PRDM1: variants seen among roughly 807,000 people sequenced by gnomAD.
The protein encoded by PRDM1 is PR/SET domain 1.
Under a neutral mutation model 62.8 loss-of-function variants are expected in PRDM1, and 13 were observed. The observed-to-expected ratio is 0.21, with a 90% CI of 0.13 to 0.33. The LOEUF (loss-of-function observed/expected upper bound fraction) is 0.33, where lower values mean the gene tolerates loss of function less well. Ranked by LOEUF, PRDM1 falls within the 10% of genes least tolerant of loss-of-function variation. The probability of loss-of-function intolerance (pLI) is 1.00; values close to 1 mark genes in which losing one functional copy is unlikely to be tolerated. For missense variants in PRDM1, 895 were observed against 1,058.8 expected, an observed-to-expected ratio of 0.85 and a Z score of 2.15; for synonymous variants, 396 against 417.6, an observed-to-expected ratio of 0.95 and a Z score of 0.63.
upstream of PRDM1, among the ~76,000 whole-genome samples, chr6:106,082,926 A>G (rs1773717386): frequency 6.6e-6 from 1 of 152,154 alleles, no homozygotes; most frequent in Non-Finnish European, 1.5e-5. Context: ...GCATTGTAAC[A>G]TAGCATGTGT....
At chr6:106,045,860 C>T (rs1773065604), upstream of PRDM1, 1 of 152,104 alleles carries the variant, frequency 6.6e-6, no homozygotes, top group Non-Finnish European at 1.5e-5. Flanking sequence ...AAAACCAATG[C>T]CTATGTTCTA....
intron 1 of PRDM1, among the ~76,000 whole-genome samples, chr6:106,079,617 G>C (rs1773661606): frequency 6.6e-6 from 1 of 152,182 alleles, no homozygotes. Context: ...GGCCAACATG[G>C]TAAAACCCTG....
chr6:106,051,451 T>A (rs1297845013), intron 1 of PRDM1, among the ~76,000 whole-genome samples: 3 of 152,212 alleles, frequency 2.0e-5, no homozygotes, highest in African/African-American at 7.2e-5. Context: ...AGGAATCATG[T>A]TACTTAAACT....
upstream of PRDM1, among the ~76,000 whole-genome samples, chr6:106,048,136 T>G (rs1336804715): frequency 6.7e-6 from 1 of 148,418 alleles, no homozygotes; most frequent in East Asian, 2.0e-4. Context: ...TCTTGCACTT[T>G]GGGAGGCCAA....
upstream of PRDM1, among the ~76,000 whole-genome samples, chr6:105,993,450 C>T (rs948069078): frequency 1.3e-5 from 2 of 152,196 alleles, no homozygotes; most frequent in African/African-American, 2.4e-5. Context: ...ATTGTAGCTG[C>T]TTTGACGTTT....
chr6:106,093,253 G>A (rs1194230570), intron 2 of PRDM1, among the ~76,000 whole-genome samples: 1 of 152,174 alleles, frequency 6.6e-6, no homozygotes, highest in Non-Finnish European at 1.5e-5. Context: ...GAAAATGTGT[G>A]TAAGATGGAT....
intron 1 of PRDM1, among the ~76,000 whole-genome samples, chr6:106,008,099 G>A (rs1441481591): frequency 7.9e-5 from 12 of 152,156 alleles, no homozygotes; most frequent in Non-Finnish European, 1.5e-4. Context: ...GGGGCTGGGC[G>A]CGGTGGCTCA....
At chr6:106,088,670 T>C (rs191551768) in intron 2 of PRDM1, among the ~76,000 whole-genome samples, 330 of 152,370 alleles carry the variant, frequency 2.2e-3, no homozygotes, top group Middle Eastern at 6.8e-3. Context: ...AGTAAACAGT[T>C]AAATATTTTG....
At chr6:106,049,494 G>A (rs1773136240) in intron 1 of PRDM1, among the ~76,000 whole-genome samples, 1 of 152,162 alleles carries the variant, frequency 6.6e-6, no homozygotes, top group African/African-American at 2.4e-5. Flanking sequence ...GATGGCCTGA[G>A]CTCTTGCCTC....
At chr6:106,062,883 G>A (rs1270222698) in intron 1 of PRDM1, among the ~76,000 whole-genome samples, 3 of 152,090 alleles carry the variant, frequency 2.0e-5, no homozygotes, top group African/African-American at 4.8e-5. Flanking sequence ...GTTTTTAAGA[G>A]TCAAAGGAAA....
chr6:106,094,463 G>T lies in PRDM1; in HGVS notation c.292-1152G>T, dbSNP rs530286321. ...GGTGATTTTTTTACCCCTTCAAAGA[G>T]AAATTTATTATTAAGGAGGAACTGG... On this transcript the variant is annotated intron_variant, in intron 2 of 6. Coordinates refer to ENST00000369096, the MANE Select transcript of PRDM1 (RefSeq NM_001198.4). Among the ~76,000 whole-genome samples, 3 of 152,272 alleles carry T rather than the reference G, an allele frequency of 2.0e-5. No individual in the cohort carries two copies. In the South Asian group the frequency reaches 6.2e-4, roughly 32 times the overall value.
chr6:106,105,345 G>A lies in PRDM1; in HGVS notation c.1185G>A (p.Leu395=), dbSNP rs756639087. 6.2e-7 allele frequency: 1 copy of A among 1,613,226 alleles called. No homozygotes were observed. The highest frequency in any genetic ancestry group is 8.5e-7 in the Non-Finnish European group (1 of 1,179,476). Residue 395 remains leucine, a synonymous_variant, in exon 5 of 7, where the codon CTG becomes CTA. Transcript: ENST00000369096. The stretch of plus-strand genomic sequence containing the variant: ...GCTCCTACCCTGGCTACGCACCCCT[G>A]CCCCACCTCCCGCCAGCTTTCATCC... The part of the protein sequence containing the change: ...GLGSYPGYAP[L]PHLPPAFIPS...
upstream of PRDM1, among the ~76,000 whole-genome samples, chr6:105,993,101 G>A (rs1772299497): frequency 1.3e-5 from 2 of 152,178 alleles, no homozygotes; most frequent in Admixed American, 1.3e-4. Context: ...TCGCAAAACT[G>A]GGCAGATAGA....
chr6:106,034,963 C>G lies in PRDM1; in HGVS notation c.-67+41324C>G, dbSNP rs114478018. Among the ~76,000 whole-genome samples, 902 of 152,262 alleles carry G rather than the reference C, an allele frequency of 5.9e-3. 13 individuals are homozygous for G. Among genetic ancestry groups the G allele is most frequent in the African/African-American group, 0.021 (856 of 41,554 alleles). On this transcript the variant is annotated intron_variant, in intron 1 of 6. Transcript: ENST00000652320. The stretch of plus-strand genomic sequence containing the variant: ...CACTAAAGTCTTTTTAAGTCTGTTT[C>G]ATAGGTCTATTCTGGAGAATGTGCT...
chr6:106,024,213 C>T (rs1423298650), intron 1 of PRDM1, among the ~76,000 whole-genome samples: 1 of 152,136 alleles, frequency 6.6e-6, no homozygotes, highest in Non-Finnish European at 1.5e-5. Context: ...CCTTTTGTGC[C>T]TGGCAGGCTA....
At position 106,106,433 on chromosome 6, in the gene PRDM1, T is replaced by C; in HGVS notation, c.1836T>C (p.Phe612=). Residue 612 remains phenylalanine, a synonymous_variant, in exon 6 of 7, where the codon TTT becomes TTC. Transcript: ENST00000369096. The surrounding 1 kb of genome is among the most constrained non-coding windows in gnomAD (Gnocchi z 4.4). ...AATGTCAGACTTGCAACAAGGGCTT[T>C]ACTCAGCTCGCCCACCTGCAGAAAC... ...PFKCQTCNKG[F]TQLAHLQKHY... is the part of the protein sequence containing the mutation. 6.2e-7 allele frequency: 1 copy of C among 1,614,174 alleles called. No homozygotes were observed. Among genetic ancestry groups the C allele is most frequent in the Non-Finnish European group, 8.5e-7 (1 of 1,180,026 alleles).
At chr6:106,042,927 C>T (rs1343745608) in intron 1 of PRDM1, among the ~76,000 whole-genome samples, 2 of 152,144 alleles carry the variant, frequency 1.3e-5, no homozygotes, top group Non-Finnish European at 2.9e-5. Flanking sequence ...CTCGGCTCAC[C>T]GCAATCTCCA....
At chr6:105,993,610 G>A (rs1364809054) in exon 1 of PRDM1, among the ~76,000 whole-genome samples, 2 of 152,232 alleles carry the variant, frequency 1.3e-5, no homozygotes, top group Non-Finnish European at 2.9e-5. Context: ...GTGCCGCTTA[G>A]GACTGCAATG....
chr6:106,023,138 A>G (rs1772718815), intron 1 of PRDM1, among the ~76,000 whole-genome samples: 1 of 152,170 alleles, frequency 6.6e-6, no homozygotes, highest in South Asian at 2.1e-4. Context: ...CACTGTCTTG[A>G]TGTAAAAGTA....
Sources: gnomAD v4.1 joint callset for allele counts (sites outside exome capture counted in the v4.1 genomes callset) on GRCh38, gnomAD v4.1.1 for gene constraint, Gnocchi (gnomAD v3.1) non-coding constraint, MANE v1.5 for transcripts, NCBI Gene and HGNC (gene_info 2026-07-23, HGNC 2026-07-21) for gene names.